LMTK2: variants seen among roughly 807,000 people sequenced by gnomAD.
LMTK2 encodes the protein serine/threonine-protein kinase LMTK2.
A neutral mutation model predicts 127.5 loss-of-function variants in LMTK2; 37 were observed. The ratio of observed to expected loss-of-function variants is 0.29; its 90% CI spans 0.22 to 0.38. The LOEUF (loss-of-function observed/expected upper bound fraction) is 0.38. LMTK2 is among the 10% of genes least tolerant of loss of function. The probability of loss-of-function intolerance (pLI) is 1.00; values close to 1 mark genes in which losing one functional copy is unlikely to be tolerated. For missense variants in LMTK2, 1,694 were observed against 1,920.3 expected (o/e 0.88, Z 2.20); for synonymous variants, 819 against 810.1 (o/e 1.01, Z -0.19).
intron 5 of LMTK2, among the ~76,000 whole-genome samples, chr7:98,159,094 T>G (rs867557425): frequency 6.6e-6 from 1 of 152,228 alleles, no homozygotes; most frequent in African/African-American, 2.4e-5. Context: ...ATGTTAAGAT[T>G]TCTTTTTTAA....
At chr7:98,136,404 A>C (rs1214435412) in intron 1 of LMTK2, among the ~76,000 whole-genome samples, 1 of 152,232 alleles carries the variant, frequency 6.6e-6, no homozygotes, top group Non-Finnish European at 1.5e-5. Flanking sequence ...CAGATGCAGA[A>C]AACTGGTGTG....
At chr7:98,141,149 A>G (rs1796692874) in intron 2 of LMTK2, among the ~76,000 whole-genome samples, 1 of 152,012 alleles carries the variant, frequency 6.6e-6, no homozygotes. Context: ...ATTTTTGTGT[A>G]AATTCCATTG....
At chr7:98,116,500 C>T (rs143907141) in intron 1 of LMTK2, among the ~76,000 whole-genome samples, 6 of 151,736 alleles carry the variant, frequency 4.0e-5, no homozygotes, top group East Asian at 3.9e-4. Context: ...CATTCTCTTG[C>T]GGACTTGACT....
chr7:98,155,873 G>A (rs1796919190), intron 5 of LMTK2, among the ~76,000 whole-genome samples: 1 of 152,144 alleles, frequency 6.6e-6, no homozygotes, highest in Non-Finnish European at 1.5e-5. Context: ...AAGGCTGATT[G>A]TATCATCAAA....
Position 98,141,442 on chromosome 7 carries a change from G to A in LMTK2, c.277G>A (p.Ala93Thr). ...TGATGAGATAGATTTCACACCACCAGCAGAAGACACTCCCTCTGTTCAGTC... is the reference window on the plus strand; with the variant it reads ...TGATGAGATAGATTTCACACCACCAACAGAAGACACTCCCTCTGTTCAGTC... ...FDDEIDFTPPAEDTPSVQSPA... is the reference protein window; with the variant it reads ...FDDEIDFTPPTEDTPSVQSPA... Residue 93 changes from alanine to threonine, a missense_variant, in exon 3 of 14, where the codon GCA becomes ACA. Coordinates refer to ENST00000297293, the MANE Select transcript of LMTK2 (RefSeq NM_014916.4). 4.3e-6 allele frequency: 7 copies of A among 1,613,364 alleles called. No individual in the cohort carries two copies. The highest frequency in any genetic ancestry group is 1.6e-4 in the Middle Eastern group (1 of 6,062).
intron 13 of LMTK2, among the ~76,000 whole-genome samples, chr7:98,205,204 C>T (rs1443070031): frequency 1.3e-5 from 2 of 152,220 alleles, no homozygotes; most frequent in Admixed American, 1.3e-4. Context: ...GCCAGTCTGT[C>T]GGGGCAGATG....
chr7:98,204,015 A>C lies in LMTK2; in HGVS notation c.4312A>C (p.Ser1438Arg). ...FMSKTTSNLL[S>R]SKPSLQTSKY... ...GTCAAAGACAACAAGTAACCTGCTC[A>C]GCTCCAAGCCTTCTCTCCAAACATC... is the stretch of plus-strand genomic sequence containing the variant. Residue 1438 changes from serine (S) to arginine (R), a missense_variant, in exon 13 of 14, where the codon AGC (serine) becomes CGC (arginine). Physicochemically the swap from Ser to Arg is moderately radical, Grantham distance 110. Transcript: ENST00000297293. 1 of 1,614,194 alleles carries C rather than the reference A, an allele frequency of 6.2e-7. No individual in the cohort carries two copies. Among genetic ancestry groups the C allele is most frequent in the Non-Finnish European group, 8.5e-7 (1 of 1,180,050 alleles).
At chr7:98,184,489 C>T (rs1487817239) in intron 7 of LMTK2, among the ~76,000 whole-genome samples, 2 of 152,176 alleles carry the variant, frequency 1.3e-5, no homozygotes, top group Non-Finnish European at 2.9e-5. Context: ...CCATATCTGC[C>T]TAACTACCTA....
In LMTK2 at chr7:98,193,440, C is replaced by A. The variant is rs534954208; in HGVS notation, c.2975C>A (p.Pro992Gln). The A allele has an allele frequency of 2.5e-6, 4 of 1,614,150 alleles. No individual in the cohort carries two copies. The African/African-American group carries it at 5.3e-5, about 22-fold the overall frequency. Residue 992 changes from proline to glutamine, a missense_variant, in exon 11 of 14, where the codon CCG becomes CAG. Transcript: ENST00000297293. This position sits in a 1 kb window ranked among gnomAD's most constrained non-coding sequence, Gnocchi z 4.1. ...SLSAPFPASE[P>Q]SLETPDSLES... ...TCAGCACCCTTCCCAGCCTCTGAGC[C>A]GTCCCTGGAAACCCCGGACTCTCTG...
At chr7:98,125,812 G>A (rs931691042) in intron 1 of LMTK2, among the ~76,000 whole-genome samples, 7 of 152,154 alleles carry the variant, frequency 4.6e-5, no homozygotes, top group Non-Finnish European at 7.3e-5. Flanking sequence ...TTCGAAGATG[G>A]TACTTAAAAA....
intron 1 of LMTK2, among the ~76,000 whole-genome samples, chr7:98,115,312 A>G (rs1796261968): frequency 6.6e-6 from 1 of 152,108 alleles, no homozygotes; most frequent in Admixed American, 6.6e-5. Flanking sequence ...GCTACTCAGG[A>G]GGCTGAGGCA....
intron 1 of LMTK2, among the ~76,000 whole-genome samples, chr7:98,122,716 GTGTGTGTGTGTATATA>G (rs58400468): frequency 0.31 from 9,479 of 31,038 alleles, 430 homozygotes; most frequent in South Asian, 0.52. Context: ...GTGTGTGTGT[GTGTGTGTGTGTATATA>G]TATAACTGGA....
chr7:98,142,879 T>C (rs1452303707), intron 3 of LMTK2, among the ~76,000 whole-genome samples: 2 of 152,172 alleles, frequency 1.3e-5, no homozygotes, highest in Non-Finnish European at 2.9e-5. Flanking sequence ...AGTAGGGAGG[T>C]TGGCTGCCAG....
intron 7 of LMTK2, among the ~76,000 whole-genome samples, chr7:98,172,592 C>T (rs1194059894): frequency 2.0e-5 from 3 of 152,142 alleles, no homozygotes; most frequent in African/African-American, 7.2e-5. Flanking sequence ...TGTTTAAAAA[C>T]AACACAATAC....
At chr7:98,142,878 G>A (rs1004170345) in intron 3 of LMTK2, among the ~76,000 whole-genome samples, 4 of 152,194 alleles carry the variant, frequency 2.6e-5, no homozygotes, top group African/African-American at 9.7e-5. Flanking sequence ...CAGTAGGGAG[G>A]TTGGCTGCCA....
At chr7:98,161,431 A>G in intron 6 of LMTK2, among the ~76,000 whole-genome samples, 1 of 152,160 alleles carries the variant, frequency 6.6e-6, no homozygotes, top group Admixed American at 6.5e-5. Context: ...GAGGATGCTT[A>G]TTCATTGGGC....
chr7:98,199,950 GT>G (rs779827565), intron 11 of LMTK2, among the ~76,000 whole-genome samples: 193 of 152,186 alleles, frequency 1.3e-3, no homozygotes, highest in Admixed American at 4.1e-3. Context: ...TTAATGGTAT[GT>G]TTAGATCATT....
chr7:98,195,148 T>C (rs1471112759), intron 11 of LMTK2, among the ~76,000 whole-genome samples: 1 of 152,166 alleles, frequency 6.6e-6, no homozygotes, highest in Non-Finnish European at 1.5e-5. Context: ...CTCTCAAAGT[T>C]TTGGGATTAC....
chr7:98,142,355 A>C (rs1398243596), intron 3 of LMTK2, among the ~76,000 whole-genome samples: 1 of 152,204 alleles, frequency 6.6e-6, no homozygotes, highest in African/African-American at 2.4e-5. Flanking sequence ...AACGTGACAT[A>C]GTTGGTGCAT....
Sources: gnomAD v4.1 joint callset for allele counts (sites outside exome capture counted in the v4.1 genomes callset) on GRCh38, gnomAD v4.1.1 for gene constraint, Gnocchi (gnomAD v3.1) non-coding constraint, MANE v1.5 for transcripts, NCBI Gene and HGNC (gene_info 2026-07-23, HGNC 2026-07-21) for gene names.